The following CENPP variants were observed in gnomAD, a reference collection of about 807,000 sequenced individuals.
CENPP encodes centromere protein P.
A neutral mutation model predicts 35.6 loss-of-function variants in CENPP; 24 were observed. The ratio of observed to expected loss-of-function variants is 0.67; its 90% confidence interval spans 0.49 to 0.95. The LOEUF is 0.95. Among genes scored for constraint, CENPP ranks in the 40% least tolerant of loss-of-function variants. CENPP has a pLI of 0.00. For synonymous variants in CENPP, 120 were observed against 125.5 expected (o/e 0.96, Z 0.29); for missense variants, 332 against 345.3 (o/e 0.96, Z 0.31).
At chr9:92,407,581 G>A (rs1420313033) in intron 5 of CENPP, among the ~76,000 whole-genome samples, 2 of 152,214 alleles carry the variant, frequency 1.3e-5, no homozygotes, top group African/African-American at 4.8e-5. Context: ...AGCAGGCATT[G>A]TATCCAAAGA....
At position 92,563,405 on chromosome 9, in the gene CENPP, A is replaced by C. The variant is rs77989204; in HGVS notation, c.565-47909A>C. Among the ~76,000 whole-genome samples the C allele has an allele frequency of 2.0e-3, 308 of 152,316 alleles. 2 individuals are homozygous for C. Among genetic ancestry groups the C allele is most frequent in the African/African-American group, 7.0e-3 (291 of 41,576 alleles). ...TTGAGGATTTACACATATGTGTATC[A>C]GTGTATCATTTTTATTGAGTGCATC... On this transcript the variant is annotated intron_variant, in intron 5 of 7. Coordinates refer to ENST00000375587, the MANE Select transcript of CENPP (RefSeq NM_001012267.3).
chr9:92,382,917 T>TA (rs1554755519), intron 5 of CENPP, among the ~76,000 whole-genome samples: 3 of 106,870 alleles, frequency 2.8e-5, no homozygotes, highest in Non-Finnish European at 6.0e-5. Flanking sequence ...TTTTTTTTTT[T>TA]AGACAGAGTC....
Position 92,403,313 on chromosome 9 carries a change from T to C in CENPP, c.564+23454T>C, listed in dbSNP as rs1174556535. 22 of 1,612,704 alleles carry C rather than the reference T, an allele frequency of 1.4e-5. No homozygotes were observed. Among genetic ancestry groups the C allele is most frequent in the Non-Finnish European group, 1.7e-5 (20 of 1,178,930 alleles). Reference sequence around the variant, plus strand: ...TTCTTCAAAATTATCTGTTCCATAATCATAGATAATGCGTGAGTCCTGCTG... The same window carrying C: ...TTCTTCAAAATTATCTGTTCCATAACCATAGATAATGCGTGAGTCCTGCTG... On this transcript the variant is annotated intron_variant, in intron 5 of 7. Transcript: ENST00000375587.
intron 5 of CENPP, among the ~76,000 whole-genome samples, chr9:92,451,688 C>A (rs1372416015): frequency 6.6e-6 from 1 of 150,620 alleles, no homozygotes; most frequent in Non-Finnish European, 1.5e-5. Flanking sequence ...TTACCTTGGG[C>A]AGTATGGCCA....
intron 5 of CENPP, among the ~76,000 whole-genome samples, chr9:92,530,025 T>C (rs1197475200): frequency 6.6e-6 from 1 of 152,172 alleles, no homozygotes; most frequent in Non-Finnish European, 1.5e-5. Context: ...ACATAGCCTA[T>C]ACAGTGTATT....
Position 92,619,398 on chromosome 9 carries a change from G to T in CENPP, c.*6249G>T, listed in dbSNP as rs1851550759. The T allele has an allele frequency of 3.7e-6, 4 of 1,092,546 alleles. No homozygotes were observed. Among genetic ancestry groups the T allele is most frequent in the African/African-American group, 1.6e-5 (1 of 64,314 alleles). 67.7% of individuals were successfully genotyped at this position (1,092,546 alleles called of 1,614,324 possible). Reference sequence around the variant, plus strand: ...CTCCGCCATGGAGTCTCTAAATATGGGGAAACCAACTATCCTATTAACAAT... The same window carrying T: ...CTCCGCCATGGAGTCTCTAAATATGTGGAAACCAACTATCCTATTAACAAT... On this transcript the variant is annotated 3_prime_UTR_variant, in exon 8 of 8. Coordinates refer to ENST00000375587, the MANE Select transcript of CENPP (RefSeq NM_001012267.3).
Position 92,616,683 on chromosome 9 carries a change from A to C in CENPP, c.*3534A>C, listed in dbSNP as rs1182285258. The C allele has an allele frequency of 6.6e-6, 1 of 152,566 alleles. No individual in the cohort carries two copies. The allele number at this position is 152,566 out of a possible 1,614,324, so 9.5% of individuals were successfully genotyped here. A position where few individuals can be genotyped will look rare whatever the true frequency, so the allele number is the denominator to read the frequency against. On this transcript the variant is annotated 3_prime_UTR_variant, in exon 8 of 8. Transcript: ENST00000375587. ...CTCAGGGCTTAGTTTTGTGGTTTTA[A>C]CCTCAGAAGTCGTGTGCTTATAACA...
intron 5 of CENPP, among the ~76,000 whole-genome samples, chr9:92,421,229 A>G (rs776157961): frequency 3.9e-5 from 6 of 152,014 alleles, no homozygotes; most frequent in Non-Finnish European, 7.4e-5. Context: ...TTGTAAAGAC[A>G]GGGTTTTGCC....
At position 92,332,212 on chromosome 9, in the gene CENPP, G is replaced by C; in HGVS notation, c.150G>C (p.Trp50Cys). The change falls in exon 2 of 8, where the codon TGG becomes TGC. Residue 50 changes from tryptophan (W) to cysteine (C), a missense_variant. Physicochemically the swap from Trp to Cys is radical, Grantham distance 215. Transcript: ENST00000375587. ...QAIHQFNLEG[W>C]KSSKDLKNQL... ...TACACCAATTCAATTTGGAAGGATG[G>C]AAGTCTTCAAAAGATCTGAAAAATC... 5 of 1,611,132 alleles carry C rather than the reference G, an allele frequency of 3.1e-6. No individual in the cohort carries two copies. Among genetic ancestry groups the C allele is most frequent in the Non-Finnish European group, 3.4e-6 (4 of 1,178,996 alleles).
At chr9:92,428,952 TG>T (rs746694983) in intron 5 of CENPP, among the ~76,000 whole-genome samples, 2 of 152,112 alleles carry the variant, frequency 1.3e-5, no homozygotes, top group Non-Finnish European at 2.9e-5. Context: ...CTCTTGAGGA[TG>T]CTAGGCCTCT....
At position 92,551,993 on chromosome 9, in the gene CENPP, G is replaced by GT. The variant is rs1849611047; in HGVS notation, c.565-59321_565-59320insT. Among the ~76,000 whole-genome samples, 7 of 127,492 alleles carry GT rather than the reference G, an allele frequency of 5.5e-5. 1 individual carries two copies. Among genetic ancestry groups the GT allele is most frequent in the African/African-American group, 1.5e-4 (5 of 33,556 alleles). 83.6% of individuals were successfully genotyped at this position (127,492 alleles called of 152,430 possible). A position where few individuals can be genotyped will look rare whatever the true frequency, so the allele number is the denominator to read the frequency against. On this transcript the variant is annotated intron_variant, in intron 5 of 7. Transcript: ENST00000375587. ...GATATATATGTGTGTGTATATATGT[G>GT]ATATATATGTGTATATATATGATAT... is the stretch of plus-strand genomic sequence containing the variant.
At chr9:92,403,129 G>A in intron 5 of CENPP, 2 of 683,054 alleles carry the variant, frequency 2.9e-6, no homozygotes, top group South Asian at 4.6e-5. Flanking sequence ...CATTTAAAGT[G>A]ATTTTCCCTT....
At chr9:92,582,744 C>CA (rs1850457988) in intron 5 of CENPP, among the ~76,000 whole-genome samples, 2 of 151,894 alleles carry the variant, frequency 1.3e-5, no homozygotes, top group Non-Finnish European at 2.9e-5. Flanking sequence ...GTAATAGAAA[C>CA]AACACTTCAA....
At chr9:92,515,016 A>G (rs1563979889) in intron 5 of CENPP, 6 of 1,613,912 alleles carry the variant, frequency 3.7e-6, no homozygotes, top group Non-Finnish European at 5.1e-6. Context: ...TTTGCTCTGT[A>G]TCTTCTTCTT....
At chr9:92,472,228 G>A (rs1255946118) in intron 5 of CENPP, among the ~76,000 whole-genome samples, 1 of 151,898 alleles carries the variant, frequency 6.6e-6, no homozygotes, top group Non-Finnish European at 1.5e-5. Context: ...ATTGTTACAC[G>A]TGCCTGTAGT....
At chr9:92,502,411 G>A (rs529560784) in intron 5 of CENPP, 89 of 1,414,240 alleles carry the variant, frequency 6.3e-5, no homozygotes, top group African/African-American at 1.7e-4. Context: ...CTTCAGTATC[G>A]TCACCTCCCT....
At chr9:92,522,872 AT>A (rs757724013) in intron 5 of CENPP, 1 of 1,586,076 alleles carries the variant, frequency 6.3e-7, no homozygotes, top group South Asian at 1.2e-5. Context: ...TTCATGTTTG[AT>A]TTTTTTCCAC....
intron 1 of CENPP, among the ~76,000 whole-genome samples, chr9:92,329,006 C>T (rs1840653560): frequency 6.6e-6 from 1 of 152,150 alleles, no homozygotes; most frequent in Non-Finnish European, 1.5e-5. Context: ...TAAACACGAA[C>T]TCCCTACTAG....
intron 5 of CENPP, among the ~76,000 whole-genome samples, chr9:92,603,012 A>T (rs560639323): frequency 3.6e-4 from 54 of 151,984 alleles, no homozygotes; most frequent in Non-Finnish European, 6.8e-4. Context: ...GGTGGTCTCG[A>T]TCTCTTGACC....
Sources: allele counts gnomAD v4.1 joint callset (sites outside exome capture counted in the v4.1 genomes callset), GRCh38; gene constraint gnomAD v4.1.1; transcripts MANE v1.5; gene names NCBI Gene and HGNC (gene_info 2026-07-23, HGNC 2026-07-21).